The following CYSTM1 variants were observed in gnomAD, a reference collection of about 807,000 sequenced individuals.
CYSTM1 encodes cysteine-rich transmembrane module-containing protein 1.
A neutral mutation model predicts 13.1 loss-of-function variants in CYSTM1; 4 were observed. The ratio of observed to expected loss-of-function variants is 0.31; its 90% confidence interval spans 0.15 to 0.70. The LOEUF (loss-of-function observed/expected upper bound fraction) is 0.70. CYSTM1 is among the 30% of genes least tolerant of loss of function. CYSTM1 has a pLI of 0.72. For synonymous variants in CYSTM1, 36 were observed against 42.7 expected (o/e 0.84, Z 0.62); for missense variants, 96 against 121.6 (o/e 0.79, Z 0.99).
chr5:140,234,927 T>G (rs375056872), intron 2 of CYSTM1, among the ~76,000 whole-genome samples: 1 of 152,082 alleles, frequency 6.6e-6, no homozygotes, highest in Non-Finnish European at 1.5e-5. Context: ...TTCTCTAGAT[T>G]TTCCTTAATT....
intron 2 of CYSTM1, among the ~76,000 whole-genome samples, chr5:140,197,740 C>T (rs2126658650): frequency 6.6e-6 from 1 of 152,270 alleles, no homozygotes; most frequent in East Asian, 1.9e-4. Flanking sequence ...ACTGTAGATA[C>T]TCTCTCCACT....
chr5:140,205,642 G>A (rs1043425411), intron 2 of CYSTM1, among the ~76,000 whole-genome samples: 6 of 152,098 alleles, frequency 3.9e-5, no homozygotes, highest in African/African-American at 1.4e-4. Flanking sequence ...CTGGGATTAC[G>A]GGATTGTGAT....
intron 2 of CYSTM1, among the ~76,000 whole-genome samples, chr5:140,217,075 C>T (rs1455118713): frequency 6.6e-6 from 1 of 152,074 alleles, no homozygotes; most frequent in African/African-American, 2.4e-5. Flanking sequence ...AAAAAAATCT[C>T]CATTAGGCTT....
intron 2 of CYSTM1, among the ~76,000 whole-genome samples, chr5:140,218,371 C>A (rs576450355): frequency 1.6e-4 from 24 of 152,284 alleles, no homozygotes; most frequent in African/African-American, 5.1e-4. Flanking sequence ...GGAAGCCCTG[C>A]CTTCTGTCCT....
intron 2 of CYSTM1, among the ~76,000 whole-genome samples, chr5:140,210,071 G>C (rs1379674810): frequency 2.0e-5 from 3 of 152,074 alleles, no homozygotes; most frequent in Non-Finnish European, 4.4e-5. Context: ...TAGTAATAAT[G>C]CTCATAAAAA....
Position 140,239,612 on chromosome 5 carries a change from C to G in CYSTM1, c.188-3693C>G, listed in dbSNP as rs939008404. On this transcript the variant is annotated intron_variant, in intron 2 of 2. Coordinates refer to ENST00000261811, the MANE Select transcript of CYSTM1 (RefSeq NM_032412.4). This position sits in a 1 kb window ranked among gnomAD's most constrained non-coding sequence, Gnocchi z 5.4. ...CCCAAAGCTGCTGCGCACCTGAGAC[C>G]CAGGGCTTCCTGGGCCTTTCTGACC... is the stretch of plus-strand genomic sequence containing the variant. Among the ~76,000 whole-genome samples, 5 of 152,212 alleles carry G rather than the reference C, an allele frequency of 3.3e-5. No homozygotes were observed. Among genetic ancestry groups the G allele is most frequent in the Non-Finnish European group, 5.9e-5 (4 of 68,044 alleles).
At chr5:140,227,853 A>C (rs1764576344) in intron 2 of CYSTM1, among the ~76,000 whole-genome samples, 1 of 151,826 alleles carries the variant, frequency 6.6e-6, no homozygotes, top group African/African-American at 2.4e-5. Context: ...AGAAAAATGT[A>C]AAAGCAAAGT....
Position 140,219,116 on chromosome 5 carries a change from T to A in CYSTM1, c.188-24189T>A, listed in dbSNP as rs1764462136. 6.6e-6 allele frequency among the ~76,000 whole-genome samples: 1 copy of A among 152,190 alleles called. No individual in the cohort carries two copies. Among genetic ancestry groups the A allele is most frequent in the African/African-American group, 2.4e-5 (1 of 41,438 alleles). On this transcript the variant is annotated intron_variant, in intron 2 of 2. Coordinates refer to ENST00000261811, the MANE Select transcript of CYSTM1 (RefSeq NM_032412.4). This position sits in a 1 kb window ranked among gnomAD's most constrained non-coding sequence, Gnocchi z 4.1. ...GCCCTGTCTTCCAGGGCCAGAGTCC[T>A]AGTTACAGTCGTACAAGCCAGGCCA...
At chr5:140,231,023 A>G (rs1764611924) in intron 2 of CYSTM1, among the ~76,000 whole-genome samples, 2 of 152,226 alleles carry the variant, frequency 1.3e-5, no homozygotes, top group Admixed American at 6.5e-5. Context: ...TTTGATTGGA[A>G]CAGCATGTAA....
chr5:140,243,314 TAGA>T lies in CYSTM1; in HGVS notation c.201_203del (p.Glu67del). 6.2e-7 allele frequency: 1 copy of T among 1,613,772 alleles called. No individual in the cohort carries two copies. The highest frequency in any genetic ancestry group is 8.5e-7 in the Non-Finnish European group (1 of 1,179,706). ...CCTCTTCTCCCTCCAGTGTATGTGG[TAGA>T]AGACCAAAGAAGAGATGAGCTAGGA... is the stretch of plus-strand genomic sequence containing the variant. On this transcript the variant is annotated inframe_deletion, in exon 3 of 3. Transcript: ENST00000261811.
intron 1 of CYSTM1, among the ~76,000 whole-genome samples, chr5:140,184,017 G>T (rs975680385): frequency 6.6e-6 from 1 of 152,164 alleles, no homozygotes; most frequent in Non-Finnish European, 1.5e-5. Context: ...AAGCCATGTG[G>T]CTACTTTACC....
intron 2 of CYSTM1, chr5:140,228,976 G>A (rs1425574041): frequency 2.5e-6 from 1 of 393,980 alleles, no homozygotes; most frequent in African/African-American, 2.1e-5. Context: ...TTTCATAGGT[G>A]TGAAATGGTA....
intron 1 of CYSTM1, among the ~76,000 whole-genome samples, chr5:140,188,574 G>A (rs1475424248): frequency 6.6e-6 from 1 of 152,070 alleles, no homozygotes; most frequent in Non-Finnish European, 1.5e-5. Context: ...GGCGGATCAC[G>A]AGGTCAGGAG....
rs1339460017 is a variant in CYSTM1, at chr5:140,239,022, CAAG to C, written c.188-4279_188-4277del. Among the ~76,000 whole-genome samples the C allele has an allele frequency of 6.6e-6, 1 of 152,172 alleles. No individual in the cohort carries two copies. Among genetic ancestry groups the C allele is most frequent in the African/African-American group, 2.4e-5 (1 of 41,444 alleles). On this transcript the variant is annotated intron_variant, in intron 2 of 2. Coordinates refer to ENST00000261811, the MANE Select transcript of CYSTM1 (RefSeq NM_032412.4). This position sits in a 1 kb window ranked among gnomAD's most constrained non-coding sequence, Gnocchi z 5.4. ...CGGTGCTGCTTCCTCACTCCTGGAG[CAAG>C]AAGGCTGCAGGCATCAGAACCCTCT... is the stretch of plus-strand genomic sequence containing the variant.
At chr5:140,243,267 C>G (rs1035495539) in intron 2 of CYSTM1, 38 bp from the exon 3 acceptor site, 1 of 1,581,494 alleles carries the variant, frequency 6.3e-7, no homozygotes, top group Admixed American at 1.7e-5. Flanking sequence ...GGGGTTTGCA[C>G]CAGTCCATTC....
chr5:140,232,923 C>CT (rs1268863320), intron 2 of CYSTM1, among the ~76,000 whole-genome samples: 2 of 152,204 alleles, frequency 1.3e-5, no homozygotes, highest in Non-Finnish European at 2.9e-5. Context: ...ACTATGTCCT[C>CT]TGCGGTAGCT....
Position 140,205,351 on chromosome 5 carries a change from C to T in CYSTM1, c.187+10699C>T, listed in dbSNP as rs183926896. Among the ~76,000 whole-genome samples, 60 of 152,302 alleles carry T rather than the reference C, an allele frequency of 3.9e-4. 3 individuals carry two copies. In the East Asian group the frequency reaches 6.6e-3, roughly 17 times the overall value. Reference sequence around the variant, plus strand: ...AGGAAAGAAGAGGAAGGAAATTTAACGGTCTGGCATCTCTGACTAATTGGC... The same window carrying T: ...AGGAAAGAAGAGGAAGGAAATTTAATGGTCTGGCATCTCTGACTAATTGGC... On this transcript the variant is annotated intron_variant, in intron 2 of 2. Coordinates refer to ENST00000261811, the MANE Select transcript of CYSTM1 (RefSeq NM_032412.4).
intron 1 of CYSTM1, among the ~76,000 whole-genome samples, chr5:140,193,136 G>C (rs1456927566): frequency 1.3e-5 from 2 of 152,174 alleles, no homozygotes; most frequent in Admixed American, 6.5e-5. Flanking sequence ...TATTTGGTTG[G>C]GGATAGAAGA....
At chr5:140,209,548 G>A (rs1313167818) in intron 2 of CYSTM1, among the ~76,000 whole-genome samples, 1 of 152,196 alleles carries the variant, frequency 6.6e-6, no homozygotes, top group Middle Eastern at 3.4e-3. Flanking sequence ...TCCTGCCTCA[G>A]CCTCCTGAAT....
Sources: gnomAD v4.1 joint callset for allele counts (sites outside exome capture counted in the v4.1 genomes callset) on GRCh38, gnomAD v4.1.1 for gene constraint, Gnocchi (gnomAD v3.1) non-coding constraint, MANE v1.5 for transcripts, NCBI Gene and HGNC (gene_info 2026-07-23, HGNC 2026-07-21) for gene names.